The following GPC5 variants were observed in gnomAD, a reference collection of about 807,000 sequenced individuals.
The protein encoded by GPC5 is glypican-5.
In GPC5, 47 loss-of-function variants were observed where a neutral mutation model predicts 53.9. That is an observed-to-expected ratio of 0.87 (90% confidence interval 0.69 to 1.11). The LOEUF (loss-of-function observed/expected upper bound fraction) is 1.11, where lower values mean the gene tolerates loss of function less well. Among genes scored for constraint, GPC5 ranks in the 50% most tolerant of loss-of-function variants. The pLI is 0.00. For synonymous variants in GPC5, 286 were observed against 263.3 expected, an observed-to-expected ratio of 1.09 and a Z score of -0.84; for missense variants, 748 against 713.1, an observed-to-expected ratio of 1.05 and a Z score of -0.56.
At chr13:91,710,422 T>G (rs1234920738) in intron 3 of GPC5, among the ~76,000 whole-genome samples, 1 of 152,234 alleles carries the variant, frequency 6.6e-6, no homozygotes, top group Admixed American at 6.5e-5. Flanking sequence ...CTGATATTAT[T>G]AGCGTTGTAT....
chr13:92,377,723 CTTTT>C (rs2043706690), intron 7 of GPC5, among the ~76,000 whole-genome samples: 1 of 151,934 alleles, frequency 6.6e-6, no homozygotes, highest in Non-Finnish European at 1.5e-5. Flanking sequence ...ATTAATAATG[CTTTT>C]TGTTTGTTTT....
rs569958991 is a variant in GPC5, at chr13:91,956,884, A to C, written c.1401+48827A>C. Among the ~76,000 whole-genome samples, 12 of 152,334 alleles carry C rather than the reference A, an allele frequency of 7.9e-5. 1 individual carries two copies. The South Asian group carries it at 2.1e-3, about 26-fold the overall frequency. The stretch of plus-strand genomic sequence containing the variant: ...GAAGGGGCTTGTAAAAGAGATGTGA[A>C]GATATCAAAGTAAGGACACAAGAAA... On this transcript the variant is annotated intron_variant, in intron 6 of 7. Transcript: ENST00000377067.
chr13:91,399,588 G>C (rs914140776), intron 1 of GPC5, among the ~76,000 whole-genome samples: 1 of 152,190 alleles, frequency 6.6e-6, no homozygotes, highest in African/African-American at 2.4e-5. Context: ...TCGGTTTACT[G>C]CTTTCTCATA....
At chr13:91,619,903 T>C (rs956796704) in intron 2 of GPC5, among the ~76,000 whole-genome samples, 2 of 152,134 alleles carry the variant, frequency 1.3e-5, no homozygotes, top group African/African-American at 4.8e-5. Context: ...ATTTATTTCT[T>C]TGTTCAATTT....
chr13:91,601,066 T>A (rs970315797), intron 2 of GPC5, among the ~76,000 whole-genome samples: 2 of 152,208 alleles, frequency 1.3e-5, no homozygotes, highest in African/African-American at 4.8e-5. Context: ...ATAAGAAAAG[T>A]CTGTTCTTAA....
chr13:92,294,826 C>CTTTTTTTTTTTTTTT (rs147963724), intron 7 of GPC5, among the ~76,000 whole-genome samples: 14 of 99,008 alleles, frequency 1.4e-4, no homozygotes, highest in Admixed American at 3.6e-4. Flanking sequence ...TTTTTTTTTT[C>CTTTTTTTTTTTTTTT]TTTTTTTTTT....
chr13:92,112,739 AGT>A (rs769097565), intron 6 of GPC5, among the ~76,000 whole-genome samples: 3 of 152,094 alleles, frequency 2.0e-5, no homozygotes, highest in Non-Finnish European at 4.4e-5. Flanking sequence ...TGTATGTACA[AGT>A]GTGTGTGTAT....
At chr13:91,745,448 C>T (rs1284600158) in intron 4 of GPC5, among the ~76,000 whole-genome samples, 1 of 137,428 alleles carries the variant, frequency 7.3e-6, no homozygotes, top group East Asian at 2.1e-4. Context: ...AAGGAGCCCA[C>T]TCTCTGAGCT....
chr13:91,820,060 G>A (rs558329803), intron 5 of GPC5, among the ~76,000 whole-genome samples: 30 of 152,060 alleles, frequency 2.0e-4, no homozygotes, highest in Admixed American at 1.7e-3. Flanking sequence ...ATGTAGTCCT[G>A]TCTTTATCTT....
At position 92,544,973 on chromosome 13, in the gene GPC5, G is replaced by A. The variant is rs546718740; in HGVS notation, c.1562-321309G>A. 5.9e-5 allele frequency among the ~76,000 whole-genome samples: 9 copies of A among 151,806 alleles called. 1 individual carries two copies. The South Asian group carries it at 1.9e-3, about 32-fold the overall frequency. ...TAGGGTACCTGTGCACAACGTGCAG[G>A]TTTGTTACATATGTATACATGTGCC... On this transcript the variant is annotated intron_variant, in intron 7 of 7. Transcript: ENST00000377067.
chr13:91,436,463 G>T (rs1879970184), intron 1 of GPC5, among the ~76,000 whole-genome samples: 1 of 152,164 alleles, frequency 6.6e-6, no homozygotes, highest in Non-Finnish European at 1.5e-5. Context: ...TCATTCAGGA[G>T]CAGGTTGTTC....
chr13:91,957,972 TAAAC>T (rs1167234974), intron 6 of GPC5, among the ~76,000 whole-genome samples: 3 of 151,804 alleles, frequency 2.0e-5, no homozygotes, highest in Admixed American at 6.6e-5. Context: ...GAACAAAAGA[TAAAC>T]AAAACAACCA....
rs552914895 is a variant in GPC5 at position 91,856,210 on chromosome 13, A to T, written c.1281-51727A>T. 5.9e-5 allele frequency among the ~76,000 whole-genome samples: 9 copies of T among 151,596 alleles called. No homozygotes were observed. The East Asian group carries it at 1.7e-3, about 29-fold the overall frequency. On this transcript the variant is annotated intron_variant, in intron 5 of 7. Coordinates refer to ENST00000377067, the MANE Select transcript of GPC5 (RefSeq NM_004466.6). ...TCCATTGTGTAGATATACACATTTA[A>T]AAAAACATATTTTTCTTTGGATGAA...
intron 2 of GPC5, among the ~76,000 whole-genome samples, chr13:91,499,618 T>G (rs1221431794): frequency 6.6e-6 from 1 of 152,214 alleles, no homozygotes; most frequent in Non-Finnish European, 1.5e-5. Context: ...TGCTGAGCCA[T>G]GTAAATCACG....
chr13:92,278,824 A>C (rs989041017), intron 7 of GPC5, among the ~76,000 whole-genome samples: 3 of 152,004 alleles, frequency 2.0e-5, no homozygotes, highest in Middle Eastern at 3.2e-3. Flanking sequence ...TCTTGTCAAA[A>C]ATCAATTAGT....
chr13:91,445,374 A>G (rs1425161074), intron 1 of GPC5, among the ~76,000 whole-genome samples: 1 of 152,212 alleles, frequency 6.6e-6, no homozygotes, highest in African/African-American at 2.4e-5. Flanking sequence ...GATCTCCTGG[A>G]CAAAGGGGTG....
intron 2 of GPC5, among the ~76,000 whole-genome samples, chr13:91,582,106 G>T (rs374118960): frequency 9.2e-5 from 14 of 152,106 alleles, no homozygotes; most frequent in African/African-American, 2.9e-4. Context: ...CATTTTAACA[G>T]ATTCACAGGG....
At chr13:92,094,117 A>G (rs1463269855) in intron 6 of GPC5, among the ~76,000 whole-genome samples, 1 of 152,212 alleles carries the variant, frequency 6.6e-6, no homozygotes, top group Admixed American at 6.5e-5. Flanking sequence ...TATTACGCCA[A>G]TGATTTATAT....
intron 7 of GPC5, among the ~76,000 whole-genome samples, chr13:92,755,557 G>A (rs1006252460): frequency 3.3e-5 from 5 of 150,768 alleles, no homozygotes; most frequent in African/African-American, 1.2e-4. Flanking sequence ...TTTTTGAAAG[G>A]ATCAACAAAA....
Sources: gnomAD v4.1 joint callset for allele counts (sites outside exome capture counted in the v4.1 genomes callset) on GRCh38, gnomAD v4.1.1 for gene constraint, MANE v1.5 for transcripts, NCBI Gene and HGNC (gene_info 2026-07-23, HGNC 2026-07-21) for gene names.